Variants in CARS2 observed in about 807,000 individuals in gnomAD.
CARS2 encodes probable cysteine--tRNA ligase, mitochondrial.
A neutral mutation model predicts 68.8 loss-of-function variants in CARS2; 52 were observed. That is an observed-to-expected ratio of 0.76 (90% confidence interval 0.61 to 0.95). The LOEUF (loss-of-function observed/expected upper bound fraction) is 0.95. Among genes scored for constraint, CARS2 ranks in the 40% least tolerant of loss-of-function variants. The pLI is 0.00. For missense variants in CARS2, 780 were observed against 754.2 expected (o/e 1.03, Z -0.40); for synonymous variants, 314 against 303.6 (o/e 1.03, Z -0.36).
In CARS2 at chr13:110,676,945, C is replaced by A; in HGVS notation, c.785+29G>T. 6.6e-7 allele frequency: 1 copy of A among 1,504,654 alleles called. No homozygotes were observed. Among genetic ancestry groups the A allele is most frequent in the South Asian group, 1.3e-5 (1 of 77,208 alleles). The allele number at this position is 1,504,654 out of a possible 1,614,324, so 93.2% of individuals were successfully genotyped here. ...GCAGGCACCAGGGGAACTTGAGCCC[C>A]AACCCCCAGGAAGCGGCAGGCACCT... On this transcript the variant is annotated intron_variant, in intron 7 of 14. Coordinates refer to ENST00000257347, the MANE Select transcript of CARS2 (RefSeq NM_024537.4). This position sits in a 1 kb window ranked among gnomAD's most constrained non-coding sequence, Gnocchi z 4.0.
intron 3 of CARS2, among the ~76,000 whole-genome samples, chr13:110,693,768 C>T (rs144749010): frequency 2.6e-5 from 4 of 152,040 alleles, no homozygotes; most frequent in Admixed American, 1.3e-4. Flanking sequence ...AACAAATAGA[C>T]GAGGTAGAAA....
chr13:110,698,381 ATGG>A (rs2063684419), intron 3 of CARS2, among the ~76,000 whole-genome samples: 1 of 151,738 alleles, frequency 6.6e-6, no homozygotes, highest in Non-Finnish European at 1.5e-5. Context: ...TTAGCCAGGC[ATGG>A]TGGTGGGTGT....
chr13:110,664,988 G>T, intron 8 of CARS2: 5 of 984,888 alleles, frequency 5.1e-6, no homozygotes, highest in Non-Finnish European at 6.0e-6. Flanking sequence ...GCCCTAACAG[G>T]CTGGGATAGT....
chr13:110,642,198 A>C, intron 14 of CARS2, 117 bp downstream of exon 14: 1 of 791,972 alleles, frequency 1.3e-6, no homozygotes, highest in Non-Finnish European at 2.0e-6. Context: ...CAAGAGTGAA[A>C]CTCCGTCTCA....
rs557370418 is a variant in CARS2, at chr13:110,690,112, C to T, written c.394-2094G>A. Among the ~76,000 whole-genome samples, 12 of 152,234 alleles carry T rather than the reference C, an allele frequency of 7.9e-5. No individual in the cohort carries two copies. The South Asian group carries it at 1.0e-3, about 13-fold the overall frequency. On this transcript the variant is annotated intron_variant, in intron 3 of 14. Transcript: ENST00000257347. The stretch of plus-strand genomic sequence containing the variant: ...GCGTGGTGGCAGGCGCCTGTAATCC[C>T]AGCTACTCAGGAGGCTGAGGCAGGA...
chr13:110,681,596 A>G (rs1281148295), intron 6 of CARS2, among the ~76,000 whole-genome samples: 3 of 152,172 alleles, frequency 2.0e-5, no homozygotes, highest in Non-Finnish European at 4.4e-5. Context: ...GCTCCTTGGT[A>G]TCTGCCCAAA....
intron 5 of CARS2, among the ~76,000 whole-genome samples, chr13:110,683,513 C>T (rs1297064668): frequency 6.6e-6 from 1 of 152,190 alleles, no homozygotes; most frequent in Non-Finnish European, 1.5e-5. Flanking sequence ...AAAGTGAAAA[C>T]ACAAATGTAA....
At chr13:110,664,847 A>G (rs145787668) in intron 8 of CARS2, 58 of 383,122 alleles carry the variant, frequency 1.5e-4, no homozygotes, top group African/African-American at 1.2e-3. Context: ...ACGGCCGTCT[A>G]CAAATGGGAA....
chr13:110,702,243 A>C (rs1446256299), intron 2 of CARS2, among the ~76,000 whole-genome samples: 2 of 152,146 alleles, frequency 1.3e-5, no homozygotes, highest in Non-Finnish European at 2.9e-5. Flanking sequence ...GTGTGGGGGA[A>C]TCCTAGCCAT....
chr13:110,687,786 A>G lies in CARS2; in HGVS notation c.506T>C (p.Ile169Thr), dbSNP rs377385794. 3.7e-6 allele frequency: 6 copies of G among 1,613,418 alleles called. No individual in the cohort carries two copies. The highest frequency in any genetic ancestry group is 1.1e-5 in the South Asian group (1 of 91,028). The change falls in exon 5 of 15, where the codon ATT becomes ACT. Residue 169 changes from isoleucine to threonine, a missense_variant. By Grantham distance (89) the Ile-to-Thr change is moderately conservative (BLOSUM62 -1). Transcript: ENST00000257347. ...PTVYLRVTEN[I>T]PQIISFIEGI... is the part of the protein sequence containing the mutation. ...TTCAATGAAAGAAATTATCTGAGGA[A>G]TATTTTCGGTTACCCTCAGGTACAC...
In CARS2 at chr13:110,642,305, C is replaced by T. The variant is rs368020365; in HGVS notation, c.1623+10G>A. The T allele has an allele frequency of 2.1e-5, 32 of 1,545,414 alleles. No individual in the cohort carries two copies. The East Asian group carries it at 2.2e-4, about 11-fold the overall frequency. The stretch of plus-strand genomic sequence containing the variant: ...TGGGGTGATGTCCCTGACCTTGGTG[C>T]GGCACTCACCTTGATGTTGATGCCG... On this transcript the variant is annotated intron_variant, in intron 14 of 14. Transcript: ENST00000257347.
chr13:110,650,273 T>C (rs1190487571), intron 10 of CARS2: 1 of 152,122 alleles, frequency 6.6e-6, no homozygotes, highest in Non-Finnish European at 1.5e-5. Flanking sequence ...AATTTTTGTA[T>C]TTTTAGGAGA....
In CARS2 at chr13:110,705,550, T is replaced by C; in HGVS notation, c.246A>G (p.Val82=). 6.2e-7 allele frequency: 1 copy of C among 1,613,270 alleles called. No homozygotes were observed. The highest frequency in any genetic ancestry group is 1.7e-4 in the Middle Eastern group (1 of 6,060). ...AASWYSCGPT[V]YDHAHLGHAC... ...CATGGCCAAGGTGCGCATGATCATA[T>C]ACAGTTGGTCCACAGCTATACCTGG... is the stretch of plus-strand genomic sequence containing the variant. Residue 82 remains valine, a synonymous_variant, in exon 2 of 15, where the codon GTA becomes GTG. Transcript: ENST00000257347. The surrounding 1 kb of genome is among the most constrained non-coding windows in gnomAD (Gnocchi z 4.0).
At chr13:110,667,280 C>T (rs941741006) in intron 8 of CARS2, 60 bp downstream of exon 8, 123 of 1,480,180 alleles carry the variant, frequency 8.3e-5, no homozygotes, top group Non-Finnish European at 1.0e-4. Flanking sequence ...GCTGTTCCGC[C>T]GACAAAGACA....
intron 14 of CARS2, among the ~76,000 whole-genome samples, chr13:110,641,927 C>T (rs867426953): frequency 1.6e-4 from 25 of 152,298 alleles, no homozygotes; most frequent in Middle Eastern, 3.4e-3. Flanking sequence ...ATGGGCAGGG[C>T]GCAGTGGCTC....
intron 8 of CARS2, chr13:110,664,651 A>G (rs2062598699): frequency 9.2e-6 from 9 of 982,658 alleles, no homozygotes; most frequent in South Asian, 4.7e-5. Context: ...AAAATTGATG[A>G]TAGTTGGAAA....
At chr13:110,681,724 C>A (rs2063161917) in intron 6 of CARS2, among the ~76,000 whole-genome samples, 1 of 152,164 alleles carries the variant, frequency 6.6e-6, no homozygotes, top group African/African-American at 2.4e-5. Context: ...AATTCAGACA[C>A]TGGGACGTGA....
intron 1 of CARS2, chr13:110,712,122 T>G (rs2064033815): frequency 6.6e-6 from 1 of 152,124 alleles, no homozygotes; most frequent in Non-Finnish European, 1.5e-5. Flanking sequence ...CTGTCCTAAT[T>G]AAGAGGCTAA....
At chr13:110,690,556 T>C (rs1165938809) in intron 3 of CARS2, among the ~76,000 whole-genome samples, 2 of 152,214 alleles carry the variant, frequency 1.3e-5, no homozygotes, top group African/African-American at 4.8e-5. Context: ...CAAGGTGGCC[T>C]CTACTCCCCC....
Sources: allele counts gnomAD v4.1 joint callset (sites outside exome capture counted in the v4.1 genomes callset), GRCh38; gene constraint gnomAD v4.1.1; non-coding constraint Gnocchi (gnomAD v3.1); transcripts MANE v1.5; gene names NCBI Gene and HGNC (gene_info 2026-07-23, HGNC 2026-07-21).